The following IL1RAPL1 variants were observed in gnomAD, a reference collection of about 807,000 sequenced individuals.
IL1RAPL1 encodes the protein interleukin 1 receptor accessory protein like 1.
Under a neutral mutation model 48.4 loss-of-function variants are expected in IL1RAPL1, and 3 were observed. That is an observed-to-expected ratio of 0.06 (90% CI 0.03 to 0.16). The LOEUF is 0.16. Among genes scored for constraint, IL1RAPL1 ranks in the 10% least tolerant of loss-of-function variants. The pLI, the probability that IL1RAPL1 is intolerant of heterozygous loss-of-function variation, is 1.00. For missense variants in IL1RAPL1, 349 were observed against 530.6 expected (o/e 0.66, Z 3.36); for synonymous variants, 185 against 187.7 (o/e 0.99, Z 0.12).
intron 3 of IL1RAPL1, among the ~76,000 whole-genome samples, chrX:29,356,061 A>G (rs1031808310): frequency 4.5e-5 from 5 of 111,428 alleles, no homozygotes; most frequent in Non-Finnish European, 1.9e-5. Context: ...ATCATTAACT[A>G]TGTGTTCTGA....
intron 2 of IL1RAPL1, among the ~76,000 whole-genome samples, chrX:29,164,121 G>A (rs1200460357): frequency 3.6e-5 from 4 of 111,687 alleles, no homozygotes; most frequent in African/African-American, 1.3e-4. Flanking sequence ...TTCATTATAG[G>A]CTCTGAATAT....
At chrX:29,798,411 C>T (rs932412354) in intron 6 of IL1RAPL1, among the ~76,000 whole-genome samples, 10 of 111,866 alleles carry the variant, frequency 8.9e-5, no homozygotes, top group African/African-American at 3.3e-4. Flanking sequence ...AGGGAAATGA[C>T]TTGGCCTAAA....
At chrX:29,895,865 GGTGGTAAAGTCATTAAA>G (rs1932373659) in intron 6 of IL1RAPL1, among the ~76,000 whole-genome samples, 1 of 111,595 alleles carries the variant, frequency 9.0e-6, no homozygotes, top group African/African-American at 3.3e-5. Context: ...AGTAAATATG[GGTGGTAAAGTCATTAAA>G]GTGTTTGATG....
intron 2 of IL1RAPL1, among the ~76,000 whole-genome samples, chrX:29,039,539 A>T (rs1304608674): frequency 1.8e-5 from 2 of 111,030 alleles, no homozygotes; most frequent in South Asian, 3.8e-4. Flanking sequence ...TGTTATGCCC[A>T]GAAGTTTAGG....
intron 2 of IL1RAPL1, among the ~76,000 whole-genome samples, chrX:29,148,042 C>G (rs1929384249): frequency 8.9e-6 from 1 of 111,772 alleles, no homozygotes; most frequent in South Asian, 3.7e-4. Context: ...GAAAGAGAGA[C>G]AGTGTGTGTG....
At chrX:28,696,133 C>G (rs530367668) in intron 1 of IL1RAPL1, among the ~76,000 whole-genome samples, 2 of 110,970 alleles carry the variant, frequency 1.8e-5, no homozygotes, top group African/African-American at 6.5e-5. Flanking sequence ...TAACTTGAAT[C>G]ATAATATTCT....
At chrX:29,908,112 T>C (rs1420769291) in intron 6 of IL1RAPL1, among the ~76,000 whole-genome samples, 1 of 111,077 alleles carries the variant, frequency 9.0e-6, no homozygotes, top group Non-Finnish European at 1.9e-5. Flanking sequence ...CCCTCAAATT[T>C]GCCAGATTTA....
chrX:29,810,346 C>T (rs897897923), intron 6 of IL1RAPL1, among the ~76,000 whole-genome samples: 3 of 109,670 alleles, frequency 2.7e-5, no homozygotes, highest in Non-Finnish European at 5.7e-5. Context: ...TCCACCACCA[C>T]GCCTGGTTAA....
At chrX:29,432,605 G>A (rs759737966) in intron 5 of IL1RAPL1, among the ~76,000 whole-genome samples, 7 of 111,702 alleles carry the variant, frequency 6.3e-5, no homozygotes, top group Admixed American at 9.5e-5. Flanking sequence ...TTTCTTGCCT[G>A]TTTAACTCTG....
chrX:28,828,208 C>A (rs12007451), intron 2 of IL1RAPL1, among the ~76,000 whole-genome samples: 6,729 of 111,609 alleles, frequency 0.06, 385 homozygotes, highest in East Asian at 0.24. Flanking sequence ...TAGTACTTTT[C>A]ATGAAATCGT....
At chrX:29,858,967 A>C (rs924522864) in intron 6 of IL1RAPL1, among the ~76,000 whole-genome samples, 3 of 110,954 alleles carry the variant, frequency 2.7e-5, no homozygotes, top group African/African-American at 9.8e-5. Context: ...GGGCACTGTG[A>C]GTCACTCTAT....
chrX:29,740,120 C>CAGAAAAAAAAAAAAAAAAAAAAAAAA (rs1928161310), intron 6 of IL1RAPL1, among the ~76,000 whole-genome samples: 1 of 34,457 alleles, frequency 2.9e-5, no homozygotes, highest in Non-Finnish European at 5.6e-5. Flanking sequence ...AACAAAAAAA[C>CAGAAAAAAAAAAAAAAAAAAAAAAAA]AGAAAAAAAA....
At position 28,734,183 on chromosome X, in the gene IL1RAPL1, C is replaced by T. The variant is rs191310487; in HGVS notation, c.-24-55137C>T. On this transcript the variant is annotated intron_variant, in intron 1 of 10. Coordinates refer to ENST00000378993, the MANE Select transcript of IL1RAPL1 (RefSeq NM_014271.4). ...ATTTATGTGATGACATCTGGTCTGC[C>T]TGCTTCTGCTCTTCCCCTCTTCAAA... 2.1e-3 allele frequency among the ~76,000 whole-genome samples: 234 copies of T among 111,551 alleles called. 1 individual carries two copies. Among genetic ancestry groups the T allele is most frequent in the African/African-American group, 7.4e-3 (229 of 30,789 alleles).
At chrX:29,657,683 C>G (rs1470930358) in intron 5 of IL1RAPL1, among the ~76,000 whole-genome samples, 4 of 111,251 alleles carry the variant, frequency 3.6e-5, no homozygotes, top group Non-Finnish European at 7.5e-5. Context: ...TTTATGAAGG[C>G]CTTTTATCTG....
At chrX:28,600,897 G>T (rs1357453170) in intron 1 of IL1RAPL1, among the ~76,000 whole-genome samples, 1 of 111,851 alleles carries the variant, frequency 8.9e-6, no homozygotes, top group African/African-American at 3.2e-5. Context: ...CTTCCTTAAT[G>T]CAAGGGAAGT....
At chrX:29,111,546 C>G (rs1287792400) in intron 2 of IL1RAPL1, among the ~76,000 whole-genome samples, 1 of 111,508 alleles carries the variant, frequency 9.0e-6, no homozygotes, top group Non-Finnish European at 1.9e-5. Flanking sequence ...AAGCAATCGT[C>G]TTATGAAAAT....
At chrX:28,908,776 G>T (rs1276489224) in intron 2 of IL1RAPL1, among the ~76,000 whole-genome samples, 1 of 111,840 alleles carries the variant, frequency 8.9e-6, no homozygotes, top group Non-Finnish European at 1.9e-5. Flanking sequence ...ATCAGTTACT[G>T]AAAGAGGAGG....
chrX:29,236,543 T>C (rs1931303066), intron 2 of IL1RAPL1, among the ~76,000 whole-genome samples: 1 of 45,943 alleles, frequency 2.2e-5, no homozygotes. Flanking sequence ...TTCTTTTTTT[T>C]TCTTTTTTTT....
intron 1 of IL1RAPL1, among the ~76,000 whole-genome samples, chrX:28,654,244 G>T (rs377296518): frequency 2.8e-5 from 3 of 107,162 alleles, no homozygotes; most frequent in East Asian, 2.9e-4. Flanking sequence ...AAAACCTTAA[G>T]GGTCTTTAAA....
Sources: allele counts gnomAD v4.1 joint callset (sites outside exome capture counted in the v4.1 genomes callset), GRCh38; gene constraint gnomAD v4.1.1; transcripts MANE v1.5; gene names NCBI Gene and HGNC (gene_info 2026-07-23, HGNC 2026-07-21).